PCDH15: variants seen among roughly 807,000 people sequenced by gnomAD.
The protein encoded by PCDH15 is protocadherin related 15.
PCDH15 carries 129 observed loss-of-function variants against 178.5 expected under a neutral mutation model. That is an observed-to-expected ratio of 0.72 (90% confidence interval 0.63 to 0.84). The LOEUF (loss-of-function observed/expected upper bound fraction) is 0.84. Among genes scored for constraint, PCDH15 ranks in the 40% least tolerant of loss-of-function variants. The pLI, the probability that PCDH15 is intolerant of heterozygous loss-of-function variation, is 0.00. For synonymous variants in PCDH15, 800 were observed against 732.0 expected (o/e 1.09, Z -1.50); for missense variants, 2,230 against 2,099.9 (o/e 1.06, Z -1.21).
chr10:53,901,075 G>A (rs1181968150), intron 26 of PCDH15, among the ~76,000 whole-genome samples: 1 of 151,948 alleles, frequency 6.6e-6, no homozygotes, highest in East Asian at 1.9e-4. Context: ...CTGTATTCCT[G>A]TCACCTCATG....
chr10:53,883,782 C>T lies in PCDH15; in HGVS notation c.3502-16925G>A, dbSNP rs553077170. Among the ~76,000 whole-genome samples, 5 of 152,316 alleles carry T rather than the reference C, an allele frequency of 3.3e-5. No individual in the cohort carries two copies. The East Asian group carries it at 9.7e-4, about 29-fold the overall frequency. ...CCAGGCTGGAGCGCAATGGTGTGAT[C>T]TTGGCTCACCACCACCTCCGCCTCC... On this transcript the variant is annotated intron_variant, in intron 26 of 37. Coordinates refer to ENST00000644397, the MANE Select transcript of PCDH15 (RefSeq NM_001384140.1).
chr10:55,126,312 C>T (rs546590646), intron 2 of PCDH15, among the ~76,000 whole-genome samples: 39 of 152,202 alleles, frequency 2.6e-4, no homozygotes, highest in East Asian at 9.7e-4. Flanking sequence ...AACCCATAGT[C>T]GGAATATTTA....
intron 3 of PCDH15, among the ~76,000 whole-genome samples, chr10:54,872,104 A>G (rs1251380594): frequency 6.6e-6 from 1 of 152,060 alleles, no homozygotes; most frequent in Non-Finnish European, 1.5e-5. Context: ...TAAGTCCTTT[A>G]TCTATTTTAG....
intron 3 of PCDH15, among the ~76,000 whole-genome samples, chr10:54,847,409 G>A (rs1172811796): frequency 6.6e-6 from 1 of 151,676 alleles, no homozygotes; most frequent in African/African-American, 2.4e-5. Context: ...CAATTATATT[G>A]TTCTTTTATT....
chr10:54,232,516 A>G (rs1334796881), intron 9 of PCDH15, among the ~76,000 whole-genome samples: 1 of 152,212 alleles, frequency 6.6e-6, no homozygotes, highest in African/African-American at 2.4e-5. Context: ...CTGATCCAGA[A>G]TTCTTCTTTG....
At chr10:55,597,489 C>T (rs1357051755) in intron 2 of PCDH15, among the ~76,000 whole-genome samples, 1 of 151,972 alleles carries the variant, frequency 6.6e-6, no homozygotes, top group Non-Finnish European at 1.5e-5. Context: ...AACACTAGCC[C>T]CTCGATTAAC....
At chr10:54,182,254 G>A (rs1437828575) in intron 13 of PCDH15, among the ~76,000 whole-genome samples, 1 of 152,090 alleles carries the variant, frequency 6.6e-6, no homozygotes, top group Non-Finnish European at 1.5e-5. Context: ...GGTGTGAGCC[G>A]CCATGCCCAG....
chr10:55,156,283 C>G (rs1838887367), intron 2 of PCDH15, among the ~76,000 whole-genome samples: 1 of 152,048 alleles, frequency 6.6e-6, no homozygotes, highest in South Asian at 2.1e-4. Context: ...TTTAGGAAAA[C>G]TAATGAGATC....
intron 2 of PCDH15, among the ~76,000 whole-genome samples, chr10:54,629,158 T>C (rs1231754756): frequency 6.6e-6 from 1 of 152,020 alleles, no homozygotes; most frequent in East Asian, 1.9e-4. Context: ...AAAATTTGAG[T>C]GCAAAACTAT....
rs189648074 is a variant in PCDH15, at chr10:53,853,887, A to G, written c.3806+3288T>C. Among the ~76,000 whole-genome samples the G allele has an allele frequency of 3.6e-3, 548 of 152,148 alleles. 3 individuals are homozygous for G. The highest frequency in any genetic ancestry group is 6.8e-3 in the Middle Eastern group (2 of 294). ...ATTTTCTTTAAATTAGAACTACCAT[A>G]TGATTTAGCAATCCCACTTCTGAGA... On this transcript the variant is annotated intron_variant, in intron 28 of 37. Coordinates refer to ENST00000644397, the MANE Select transcript of PCDH15 (RefSeq NM_001384140.1).
intron 2 of PCDH15, among the ~76,000 whole-genome samples, chr10:55,456,888 G>A (rs1016998324): frequency 6.6e-6 from 1 of 151,990 alleles, no homozygotes; most frequent in Non-Finnish European, 1.5e-5. Context: ...AGTATTAGAG[G>A]CTTTATCATT....
chr10:55,024,472 T>C (rs201094641), intron 2 of PCDH15, among the ~76,000 whole-genome samples: 32 of 149,818 alleles, frequency 2.1e-4, no homozygotes, highest in Admixed American at 6.7e-4. Flanking sequence ...CATATATATA[T>C]ACACACACAC....
At chr10:53,838,156 T>C (rs754069547) in intron 29 of PCDH15, among the ~76,000 whole-genome samples, 2 of 151,730 alleles carry the variant, frequency 1.3e-5, no homozygotes, top group Non-Finnish European at 1.5e-5. Flanking sequence ...TTTGTATTTT[T>C]AGTAGAGACG....
chr10:55,290,564 C>G (rs1842983282), intron 1 of PCDH15, among the ~76,000 whole-genome samples: 1 of 152,088 alleles, frequency 6.6e-6, no homozygotes, highest in Admixed American at 6.6e-5. Flanking sequence ...TGACCACTTT[C>G]TGTATCCAAC....
chr10:54,876,439 C>T lies in PCDH15; in HGVS notation c.-29+21011G>A, dbSNP rs575761606. ...AATACATTTTATCAGACCATAGCTG[C>T]CATAGATAGTGATTCTTACAAGGAA... On this transcript the variant is annotated intron_variant, in intron 3 of 5. Transcript: ENST00000458638. Among the ~76,000 whole-genome samples, 9 of 152,158 alleles carry T rather than the reference C, an allele frequency of 5.9e-5. No individual in the cohort carries two copies. The South Asian group carries it at 1.0e-3, about 18-fold the overall frequency.
At chr10:55,138,768 C>T (rs1838271690) in intron 2 of PCDH15, among the ~76,000 whole-genome samples, 1 of 152,014 alleles carries the variant, frequency 6.6e-6, no homozygotes, top group African/African-American at 2.4e-5. Flanking sequence ...TGTACTGTGT[C>T]CTCCCTCCTC....
chr10:53,858,243 T>C (rs1253211937), intron 27 of PCDH15, among the ~76,000 whole-genome samples: 2 of 152,140 alleles, frequency 1.3e-5, no homozygotes, highest in Non-Finnish European at 1.5e-5. Flanking sequence ...CGTATCTCAA[T>C]ACAATCTACA....
At chr10:55,401,463 T>C (rs538890409) in intron 2 of PCDH15, among the ~76,000 whole-genome samples, 5 of 152,238 alleles carry the variant, frequency 3.3e-5, no homozygotes, top group Admixed American at 6.5e-5. Context: ...CTGTCCACAG[T>C]ACATCACTGT....
At chr10:55,072,213 C>G (rs1044487479) in intron 2 of PCDH15, among the ~76,000 whole-genome samples, 1 of 152,018 alleles carries the variant, frequency 6.6e-6, no homozygotes, top group African/African-American at 2.4e-5. Context: ...CAAACACATT[C>G]AAAAGCTAGC....
Sources: gnomAD v4.1 joint callset for allele counts (sites outside exome capture counted in the v4.1 genomes callset) on GRCh38, gnomAD v4.1.1 for gene constraint, MANE v1.5 for transcripts, NCBI Gene and HGNC (gene_info 2026-07-23, HGNC 2026-07-21) for gene names.